STARD9: variants seen among roughly 807,000 people sequenced by gnomAD.
The protein encoded by STARD9 is stAR-related lipid transfer protein 9.
In STARD9, 346 loss-of-function variants were observed where a neutral mutation model predicts 399.8. That is an observed-to-expected ratio of 0.87 (90% CI 0.79 to 0.95). The LOEUF is 0.95. Ranked by LOEUF, STARD9 falls within the 40% of genes least tolerant of loss-of-function variation. The probability of loss-of-function intolerance (pLI) is 0.00; values close to 1 mark genes in which losing one functional copy is unlikely to be tolerated. For missense variants in STARD9, 5,832 were observed against 5,667.5 expected, an observed-to-expected ratio of 1.03 and a Z score of -0.93; for synonymous variants, 2,203 against 2,143.5, an observed-to-expected ratio of 1.03 and a Z score of -0.77.
In STARD9 at chr15:42,581,565, C is replaced by G. The variant is rs1313751015; in HGVS notation, c.48-1781C>G. The G allele has an allele frequency of 3.9e-6, 4 of 1,027,344 alleles. No homozygotes were observed. In the East Asian group the frequency reaches 1.0e-4, roughly 27 times the overall value. The allele number at this position is 1,027,344 out of a possible 1,614,324, so 63.6% of individuals were successfully genotyped here. Reference sequence around the variant, plus strand: ...GGCCGGTCTGCTCCAGCTCCTAGGGCGGGTGGAAAAGCGAGCTCTGCGCAC... The same window carrying G: ...GGCCGGTCTGCTCCAGCTCCTAGGGGGGGTGGAAAAGCGAGCTCTGCGCAC... On this transcript the variant is annotated intron_variant, in intron 1 of 32. Coordinates refer to ENST00000290607, the MANE Select transcript of STARD9 (RefSeq NM_020759.3).
intron 3 of STARD9, among the ~76,000 whole-genome samples, chr15:42,618,892 A>G (rs2059028316): frequency 1.3e-5 from 2 of 151,768 alleles, no homozygotes; most frequent in Non-Finnish European, 2.9e-5. Flanking sequence ...TCTTTTATAT[A>G]TGGTTCTTTT....
chr15:42,693,911 A>G lies in STARD9; in HGVS notation c.12333A>G (p.Gln4111=). 6.6e-7 allele frequency: 1 copy of G among 1,518,604 alleles called. No individual in the cohort carries two copies. The highest frequency in any genetic ancestry group is 1.7e-4 in the Middle Eastern group (1 of 5,904). 94.1% of individuals were successfully genotyped at this position (1,518,604 alleles called of 1,614,324 possible). Residue 4111 remains glutamine, a synonymous_variant, in exon 23 of 33, where the codon CAA becomes CAG. Transcript: ENST00000290607. ...CCTTGGGCCTCCCTCAGGCCTGCCAACCTGAGGAGTTACTGTGCTTCAGTT... is the reference window on the plus strand; with the variant it reads ...CCTTGGGCCTCCCTCAGGCCTGCCAGCCTGAGGAGTTACTGTGCTTCAGTT... ...GSALGLPQAC[Q]PEELLCFSCQ...
intron 1 of STARD9, among the ~76,000 whole-genome samples, chr15:42,579,310 T>C (rs2058121624): frequency 6.6e-6 from 1 of 152,084 alleles, no homozygotes; most frequent in African/African-American, 2.4e-5. Flanking sequence ...TCCTGGGGGA[T>C]GAGAGGAGAC....
rs541065625 is a variant in STARD9, at chr15:42,681,800, G to T, written c.2065+188G>T. Among the ~76,000 whole-genome samples the T allele has an allele frequency of 4.6e-5, 7 of 152,192 alleles. No individual in the cohort carries two copies. In the East Asian group the frequency reaches 1.4e-3, roughly 29 times the overall value. ...GAGGGCTGGAAGCAAGAATAAGGAC[G>T]CTAATTTCCTTATTGTCCTCAGAAT... On this transcript the variant is annotated intron_variant, in intron 21 of 32. Coordinates refer to ENST00000290607, the MANE Select transcript of STARD9 (RefSeq NM_020759.3).
intron 9 of STARD9, among the ~76,000 whole-genome samples, chr15:42,660,152 CAT>C (rs796474765): frequency 1.3e-5 from 2 of 152,268 alleles, no homozygotes; most frequent in African/African-American, 4.8e-5. Flanking sequence ...GACTTACAGA[CAT>C]AGAAAGTTAA....
At chr15:42,608,049 CT>C (rs749701453) in intron 3 of STARD9, among the ~76,000 whole-genome samples, 4 of 152,118 alleles carry the variant, frequency 2.6e-5, no homozygotes, top group African/African-American at 4.8e-5. Flanking sequence ...TTTGCATACA[CT>C]TTGGTAAGTT....
chr15:42,597,283 C>T (rs939953551), intron 3 of STARD9, among the ~76,000 whole-genome samples: 13 of 152,154 alleles, frequency 8.5e-5, no homozygotes, highest in African/African-American at 3.1e-4. Flanking sequence ...CCAAGCTGGT[C>T]TTGAACTCCT....
chr15:42,674,161 T>G (rs1396277017), intron 16 of STARD9, among the ~76,000 whole-genome samples: 1 of 152,246 alleles, frequency 6.6e-6, no homozygotes, highest in African/African-American at 2.4e-5. Context: ...GAAAGGAGTT[T>G]GCCCACACTT....
At chr15:42,659,151 AG>A (rs2059941476) in intron 9 of STARD9, among the ~76,000 whole-genome samples, 1 of 152,160 alleles carries the variant, frequency 6.6e-6, no homozygotes, top group Admixed American at 6.5e-5. Flanking sequence ...AAGAAGGAAA[AG>A]CAACAGATAG....
intron 7 of STARD9, among the ~76,000 whole-genome samples, chr15:42,639,141 G>A (rs2059483240): frequency 6.6e-6 from 1 of 152,206 alleles, no homozygotes; most frequent in South Asian, 2.1e-4. Context: ...AGGAGGAAAC[G>A]TTTAAGCTGA....
rs1461067793 is a variant in STARD9, at chr15:42,692,387, GC to G, written c.10815del (p.Leu3606TrpfsTer117). 5 of 1,536,996 alleles carry G rather than the reference GC, an allele frequency of 3.3e-6. No homozygotes were observed. Among genetic ancestry groups the G allele is most frequent in the Non-Finnish European group, 4.4e-6 (5 of 1,146,912 alleles). On this transcript the variant is annotated frameshift_variant, in exon 23 of 33. Coordinates refer to ENST00000290607, the MANE Select transcript of STARD9 (RefSeq NM_020759.3). LOFTEE classifies it high-confidence loss of function. The stretch of plus-strand genomic sequence containing the variant: ...GTGAAGCAGACTGTCTGAGGAGTAA[GC>G]CCCCCTTGGCCAAAGGAAGTGCTGC... ...SGEADCLRSK[P>X]PLAKGSAAGP...
chr15:42,689,908 A>G lies in STARD9; in HGVS notation c.8330A>G (p.Gln2777Arg), dbSNP rs1266659531. Residue 2777 changes from glutamine to arginine, a missense_variant, in exon 23 of 33, where the codon CAG becomes CGG. By Grantham distance (43) the Gln-to-Arg change is conservative. Transcript: ENST00000290607. ...GCAGAGGGCATACCCCCTGGCAGTC[A>G]GGACAGCAGCCCAGAGCATCAGGAA... ...ETAEGIPPGSQDSSPEHQEPR... is the reference protein window; with the variant it reads ...ETAEGIPPGSRDSSPEHQEPR... 2 of 1,537,738 alleles carry G rather than the reference A, an allele frequency of 1.3e-6. No homozygotes were observed. The highest frequency in any genetic ancestry group is 4.9e-5 in the East Asian group (2 of 40,918).
Position 42,652,584 on chromosome 15 carries a change from T to G in STARD9, c.694T>G (p.Tyr232Asp). 1 of 1,537,458 alleles carries G rather than the reference T, an allele frequency of 6.5e-7. No individual in the cohort carries two copies. ...ATCCCACGCCATTTTCACGATCCAC[T>G]ACACGCAGGTTGGTAACTCCTTATG... ...SRSHAIFTIHYTQAILENNLP... is the reference protein window; with the variant it reads ...SRSHAIFTIHDTQAILENNLP... Residue 232 changes from tyrosine to aspartate, a missense_variant, in exon 9 of 33, where the codon TAC becomes GAC. Tyr to Asp is a radical substitution (Grantham distance 160). Transcript: ENST00000290607.
chr15:42,693,303 C>T lies in STARD9; in HGVS notation c.11725C>T (p.Gln3909Ter), dbSNP rs969023859. The T allele has an allele frequency of 3.3e-6, 5 of 1,536,966 alleles. No homozygotes were observed. In the African/African-American group the frequency reaches 5.5e-5, roughly 17 times the overall value. Residue 3909 changes from glutamine (Q) to a stop codon, truncating the protein, a stop_gained, in exon 23 of 33, where the codon CAA becomes TAA. Transcript: ENST00000290607. LOFTEE classifies it high-confidence loss of function. ...AATCCTCACTCTTAGTGCCAGCACC[C>T]AAGAGCCGGGTCTTTCCCCAGGCTC... ...SPILTLSAST[Q>*]EPGLSPGSLT...
chr15:42,690,932 C>G lies in STARD9; in HGVS notation c.9354C>G (p.Ser3118Arg), dbSNP rs1185818517. 3.3e-6 allele frequency: 5 copies of G among 1,537,072 alleles called. No individual in the cohort carries two copies. Among genetic ancestry groups the G allele is most frequent in the African/African-American group, 2.7e-5 (2 of 73,036 alleles). The change falls in exon 23 of 33, where the codon AGC becomes AGG. Residue 3118 changes from serine (S) to arginine (R), a missense_variant. By Grantham distance (110) the Ser-to-Arg change is moderately radical. This residue lies in a region of STARD9 where 5,828 missense variants were observed against 5,651.1 expected (regional missense o/e 1.03). Transcript: ENST00000290607. Reference protein sequence around the residue: ...YSEPLRQFRDSSVGDQNAQVC... With the variant: ...YSEPLRQFRDRSVGDQNAQVC... ...AGCCCCTGAGGCAGTTTAGGGACAG[C>G]TCTGTAGGTGACCAGAATGCACAGG...
In STARD9 at chr15:42,708,714, C is replaced by T. The variant is rs368901305; in HGVS notation, c.13285-7963C>T. Among the ~76,000 whole-genome samples the T allele has an allele frequency of 6.0e-5, 9 of 151,088 alleles. No homozygotes were observed. The South Asian group carries it at 8.3e-4, about 14-fold the overall frequency. On this transcript the variant is annotated intron_variant, in intron 26 of 32. Coordinates refer to ENST00000290607, the MANE Select transcript of STARD9 (RefSeq NM_020759.3). ...TCATGTAAGACAGGTAATGTGCTGA[C>T]GTAACAAGGTTTGAGAGAGGCACTT...
In STARD9 at chr15:42,583,348, A is replaced by T. The variant is rs371493831; in HGVS notation, c.50A>T (p.Glu17Val). The T allele has an allele frequency of 5.2e-6, 8 of 1,536,284 alleles. No individual in the cohort carries two copies. The African/African-American group carries it at 9.6e-5, about 18-fold the overall frequency. Residue 17 changes from glutamate (E) to valine (V), a missense_variant and splice_region_variant, in exon 2 of 33, where the codon GAG becomes GTG. By Grantham distance (121) the Glu-to-Val change is moderately radical. Transcript: ENST00000290607. ...CTGAGCTTGGGTCTTGTTTCTAGGGAGACCAAAGAAGGGGGAAGAATTATT... is the reference window on the plus strand; with the variant it reads ...CTGAGCTTGGGTCTTGTTTCTAGGGTGACCAAAGAAGGGGGAAGAATTATT... Reference protein sequence around the residue: ...AVRVRPLSKRETKEGGRIIVE... With the variant: ...AVRVRPLSKRVTKEGGRIIVE...
intron 10 of STARD9, 131 bp downstream of exon 10, chr15:42,661,356 C>G (rs2059989958): frequency 2.9e-6 from 2 of 693,186 alleles, no homozygotes; most frequent in Non-Finnish European, 4.9e-6. Flanking sequence ...TCTTTGAATG[C>G]TAGGTTAAGA....
At chr15:42,576,482 G>C (rs903525402) in intron 1 of STARD9, among the ~76,000 whole-genome samples, 2 of 152,176 alleles carry the variant, frequency 1.3e-5, no homozygotes, top group Non-Finnish European at 2.9e-5. Context: ...TTGACAGGTG[G>C]AGAGAGTTTA....
Sources: allele counts gnomAD v4.1 joint callset (sites outside exome capture counted in the v4.1 genomes callset), GRCh38; gene constraint gnomAD v4.1.1; regional missense constraint gnomAD v4.1.1; transcripts MANE v1.5; gene names NCBI Gene and HGNC (gene_info 2026-07-23, HGNC 2026-07-21).